FAM107B: variants seen among roughly 807,000 people sequenced by gnomAD.
FAM107B encodes the protein protein FAM107B.
FAM107B carries 21 observed loss-of-function variants against 31.5 expected under a neutral mutation model. The ratio of observed to expected loss-of-function variants is 0.67; its 90% confidence interval spans 0.47 to 0.96. The LOEUF (loss-of-function observed/expected upper bound fraction) is 0.96, where lower values mean the gene tolerates loss of function less well. Among genes scored for constraint, FAM107B ranks in the 40% least tolerant of loss-of-function variants. The pLI, the probability that FAM107B is intolerant of heterozygous loss-of-function variation, is 0.00. For synonymous variants in FAM107B, 157 were observed against 141.5 expected, an observed-to-expected ratio of 1.11 and a Z score of -0.78; for missense variants, 452 against 377.1, an observed-to-expected ratio of 1.20 and a Z score of -1.64.
intron 2 of FAM107B, among the ~76,000 whole-genome samples, chr10:14,535,968 A>C (rs1456809504): frequency 6.6e-6 from 1 of 152,202 alleles, no homozygotes; most frequent in Non-Finnish European, 1.5e-5. Flanking sequence ...CTCTCTGGCT[A>C]TCCCAGGTAC....
rs768057989 is a variant in FAM107B, at chr10:14,774,531, C to T, written c.133G>A (p.Val45Met). The T allele has an allele frequency of 2.5e-6, 4 of 1,614,178 alleles. No individual in the cohort carries two copies. The East Asian group carries it at 8.9e-5, about 36-fold the overall frequency. Residue 45 changes from valine to methionine, a missense_variant, in exon 1 of 5, where the codon GTG (valine) becomes ATG (methionine). By Grantham distance (21) the Val-to-Met change is conservative (BLOSUM62 1). Coordinates refer to ENST00000181796, the MANE Select transcript of FAM107B (RefSeq NM_031453.4). ...RESASFNQSGVADTHSTVRVQ... is the reference protein window; with the variant it reads ...RESASFNQSGMADTHSTVRVQ... Reference sequence around the variant, plus strand: ...CGGACGGTGGAATGAGTATCAGCCACGCCGGACTGATTGAAGGAAGCACTC... The same window carrying T: ...CGGACGGTGGAATGAGTATCAGCCATGCCGGACTGATTGAAGGAAGCACTC...
intron 1 of FAM107B, among the ~76,000 whole-genome samples, chr10:14,760,978 C>T (rs1833031370): frequency 1.5e-5 from 2 of 134,584 alleles, no homozygotes; most frequent in South Asian, 4.7e-4. Context: ...TGCCACTGCA[C>T]TCCAGCCTGG....
intron 1 of FAM107B, among the ~76,000 whole-genome samples, chr10:14,671,066 GCCATCTCATC>G (rs78730058): frequency 0.19 from 28,450 of 151,868 alleles, 2,658 homozygotes; most frequent in Middle Eastern, 0.27. Context: ...CCTCTTTAAA[GCCATCTCATC>G]CCATCTCATC....
intron 1 of FAM107B, among the ~76,000 whole-genome samples, chr10:14,709,678 CT>C (rs1283607188): frequency 1.3e-5 from 2 of 152,178 alleles, no homozygotes; most frequent in East Asian, 3.8e-4. Flanking sequence ...CCAAGATATC[CT>C]TCAATAGGTG....
intron 1 of FAM107B, among the ~76,000 whole-genome samples, chr10:14,704,927 G>A (rs1387028571): frequency 6.7e-6 from 1 of 149,872 alleles, no homozygotes; most frequent in African/African-American, 2.5e-5. Context: ...GGGAAGCTAA[G>A]GCAGGAGAAT....
At chr10:14,731,620 T>C (rs1856176117) in intron 1 of FAM107B, among the ~76,000 whole-genome samples, 2 of 152,194 alleles carry the variant, frequency 1.3e-5, no homozygotes. Context: ...TCTCAATGCA[T>C]GCACAGTCAT....
At chr10:14,745,992 G>C (rs1416988644) in intron 1 of FAM107B, among the ~76,000 whole-genome samples, 1 of 152,094 alleles carries the variant, frequency 6.6e-6, no homozygotes, top group East Asian at 1.9e-4. Flanking sequence ...CCTGTATTGA[G>C]TGTATATATA....
intron 1 of FAM107B, among the ~76,000 whole-genome samples, chr10:14,767,077 G>T (rs1295445425): frequency 5.5e-5 from 5 of 91,126 alleles, no homozygotes; most frequent in Non-Finnish European, 2.2e-5. Flanking sequence ...GAGAGAGAGA[G>T]AGAGAGAGAG....
chr10:14,661,578 G>C (rs1379568401), intron 2 of FAM107B: 4 of 152,242 alleles, frequency 2.6e-5, no homozygotes, highest in Non-Finnish European at 5.9e-5. Context: ...ACTTGGACTA[G>C]AATTTCACCA....
chr10:14,767,909 G>A (rs939186813), intron 1 of FAM107B, among the ~76,000 whole-genome samples: 1 of 152,130 alleles, frequency 6.6e-6, no homozygotes, highest in Non-Finnish European at 1.5e-5. Flanking sequence ...GATCTTATGT[G>A]TAGAAAACAA....
intron 2 of FAM107B, among the ~76,000 whole-genome samples, chr10:14,632,829 A>AGGGTAC (rs1853402048): frequency 6.6e-6 from 1 of 152,096 alleles, no homozygotes; most frequent in East Asian, 1.9e-4. Flanking sequence ...GGTACAGGGC[A>AGGGTAC]AGAAATGCCA....
intron 2 of FAM107B, among the ~76,000 whole-genome samples, chr10:14,582,485 T>C (rs1478546077): frequency 6.6e-6 from 1 of 150,468 alleles, no homozygotes; most frequent in African/African-American, 2.4e-5. Flanking sequence ...CAAGCAATTC[T>C]CCTGCCTCAG....
chr10:14,735,096 C>G (rs1275288554), intron 1 of FAM107B, among the ~76,000 whole-genome samples: 2 of 152,142 alleles, frequency 1.3e-5, no homozygotes, highest in Non-Finnish European at 2.9e-5. Context: ...AATTCGGTGT[C>G]CATTCTGAGG....
At chr10:14,714,687 T>A (rs1392566735) in intron 1 of FAM107B, among the ~76,000 whole-genome samples, 1 of 152,102 alleles carries the variant, frequency 6.6e-6, no homozygotes, top group Non-Finnish European at 1.5e-5. Flanking sequence ...AGAGGAAACC[T>A]GAAAAACTGA....
At chr10:14,594,008 G>A (rs1852101410) in intron 2 of FAM107B, among the ~76,000 whole-genome samples, 1 of 152,102 alleles carries the variant, frequency 6.6e-6, no homozygotes, top group South Asian at 2.1e-4. Flanking sequence ...ACAGCCTTGG[G>A]GCACTCTGTA....
At chr10:14,667,293 C>T (rs923930885) in intron 2 of FAM107B, among the ~76,000 whole-genome samples, 1 of 152,170 alleles carries the variant, frequency 6.6e-6, no homozygotes, top group Non-Finnish European at 1.5e-5. Context: ...CCAAGATAAT[C>T]ATAAATATTT....
At chr10:14,687,660 G>A (rs1855022411) in intron 1 of FAM107B, among the ~76,000 whole-genome samples, 1 of 151,940 alleles carries the variant, frequency 6.6e-6, no homozygotes, top group African/African-American at 2.4e-5. Context: ...CTGGGGAGGG[G>A]CAGATTATAA....
intron 1 of FAM107B, among the ~76,000 whole-genome samples, chr10:14,720,370 C>T (rs1020513394): frequency 1.3e-5 from 2 of 152,166 alleles, no homozygotes; most frequent in African/African-American, 4.8e-5. Context: ...TCTCCTGCCT[C>T]GGGCTCCAGA....
At chr10:14,588,204 T>A (rs1851904999) in intron 2 of FAM107B, among the ~76,000 whole-genome samples, 1 of 151,322 alleles carries the variant, frequency 6.6e-6, no homozygotes, top group Non-Finnish European at 1.5e-5. Context: ...TGCTCCAGGC[T>A]GTGCGTGCAA....
Sources: allele counts gnomAD v4.1 joint callset (sites outside exome capture counted in the v4.1 genomes callset), GRCh38; gene constraint gnomAD v4.1.1; transcripts MANE v1.5; gene names NCBI Gene and HGNC (gene_info 2026-07-23, HGNC 2026-07-21).